The following TIGAR variants were observed in gnomAD, a reference collection of about 807,000 sequenced individuals.
TIGAR encodes TP53 induced glycolysis regulatory phosphatase.
A neutral mutation model predicts 17.9 loss-of-function variants in TIGAR; 7 were observed. The observed-to-expected ratio is 0.39, with a 90% CI of 0.22 to 0.73. TIGAR has a LOEUF of 0.73. TIGAR is among the 30% of genes least tolerant of loss of function. TIGAR has a pLI of 0.42. For missense variants in TIGAR, 258 were observed against 327.4 expected (o/e 0.79, Z 1.64); for synonymous variants, 94 against 108.6 (o/e 0.87, Z 0.84).
chr12:4,330,139 T>C (rs1864588911), intron 1 of TIGAR, among the ~76,000 whole-genome samples: 1 of 152,210 alleles, frequency 6.6e-6, no homozygotes, highest in Non-Finnish European at 1.5e-5. Flanking sequence ...TTTGTGATTC[T>C]GACTTCCAGG....
chr12:4,343,092 C>G (rs1375921112), intron 3 of TIGAR, among the ~76,000 whole-genome samples: 1 of 152,150 alleles, frequency 6.6e-6, no homozygotes, highest in Non-Finnish European at 1.5e-5. Context: ...CAGTTCTAGT[C>G]TCTGATAAAA....
chr12:4,350,437 A>G (rs1206697899), intron 4 of TIGAR, among the ~76,000 whole-genome samples: 2 of 152,210 alleles, frequency 1.3e-5, no homozygotes, highest in African/African-American at 2.4e-5. Flanking sequence ...TACACCAACA[A>G]TTGGTATTAT....
chr12:4,338,977 CAAAAAAAAA>C (rs1192832105), intron 3 of TIGAR, among the ~76,000 whole-genome samples: 1 of 100,580 alleles, frequency 9.9e-6, no homozygotes, highest in Non-Finnish European at 1.9e-5. Flanking sequence ...CTTTGTCTCA[CAAAAAAAAA>C]AAAAAAAAAA....
At position 4,321,235 on chromosome 12, in the gene TIGAR, C is replaced by A; in HGVS notation, c.-37C>A. On this transcript the variant is annotated 5_prime_UTR_variant, in exon 1 of 6. Coordinates refer to ENST00000179259, the MANE Select transcript of TIGAR (RefSeq NM_020375.3). This position sits in a 1 kb window ranked among gnomAD's most constrained non-coding sequence, Gnocchi z 5.2. ...GGTAGCCCGCAGTGCAGGGGCAGCG[C>A]GGCGCGGGGCCACCGACGGGACGCG... 1 of 1,599,590 alleles carries A rather than the reference C, an allele frequency of 6.3e-7. No individual in the cohort carries two copies. The highest frequency in any genetic ancestry group is 1.1e-5 in the South Asian group (1 of 91,056).
rs1429050816 is a variant in TIGAR, at chr12:4,359,136, A to C, written c.*6445A>C. Among the ~76,000 whole-genome samples the C allele has an allele frequency of 6.6e-6, 1 of 150,584 alleles. No homozygotes were observed. The highest frequency in any genetic ancestry group is 1.5e-5 in the Non-Finnish European group (1 of 67,776). ...TTTTTTTCTTTAGCCAACTCACGCCATGACTCTACTTTTGCTTCTATGTTT... is the reference window on the plus strand; with the variant it reads ...TTTTTTTCTTTAGCCAACTCACGCCCTGACTCTACTTTTGCTTCTATGTTT... On this transcript the variant is annotated 3_prime_UTR_variant, in exon 6 of 6. Coordinates refer to ENST00000179259, the MANE Select transcript of TIGAR (RefSeq NM_020375.3).
rs113544467 is a variant in TIGAR, at chr12:4,354,792, C to T, written c.*2101C>T. Among the ~76,000 whole-genome samples, 6,570 of 145,824 alleles carry T rather than the reference C, an allele frequency of 0.045. 488 individuals are homozygous for T. The highest frequency in any genetic ancestry group is 0.16 in the African/African-American group (6,151 of 39,164). ...TGTTGCCCAGGCTGGGGTGCAATGG[C>T]GTGATCTTGGCTCACTGCAACCTCC... On this transcript the variant is annotated 3_prime_UTR_variant, in exon 6 of 6. Coordinates refer to ENST00000179259, the MANE Select transcript of TIGAR (RefSeq NM_020375.3).
chr12:4,333,566 T>C (rs1864626633), intron 2 of TIGAR, among the ~76,000 whole-genome samples: 1 of 152,150 alleles, frequency 6.6e-6, no homozygotes, highest in South Asian at 2.1e-4. Flanking sequence ...CCTCCCGGGT[T>C]CAAGCGATTC....
intron 3 of TIGAR, among the ~76,000 whole-genome samples, chr12:4,346,458 ACATAGATGAAG>A (rs1864781539): frequency 1.3e-5 from 2 of 152,244 alleles, no homozygotes; most frequent in African/African-American, 4.8e-5. Flanking sequence ...CTCTGTAGGG[ACATAGATGAAG>A]CTGGAAACCA....
In TIGAR at chr12:4,355,983, G is replaced by A. The variant is rs1864896388; in HGVS notation, c.*3292G>A. Among the ~76,000 whole-genome samples the A allele has an allele frequency of 2.0e-5, 3 of 152,298 alleles. No individual in the cohort carries two copies. Among genetic ancestry groups the A allele is most frequent in the South Asian group, 2.1e-4 (1 of 4,826 alleles). On this transcript the variant is annotated 3_prime_UTR_variant, in exon 6 of 6. Transcript: ENST00000179259. ...GGAGAGTGACGGGAGAAGAGGACAG[G>A]CCACATGGCCTGGTGGCCTGTGCTG...
intron 3 of TIGAR, among the ~76,000 whole-genome samples, chr12:4,340,846 A>G (rs1460610123): frequency 6.6e-6 from 1 of 152,176 alleles, no homozygotes; most frequent in Non-Finnish European, 1.5e-5. Context: ...TATACAGAAG[A>G]ATGAAACTAG....
chr12:4,322,937 A>G (rs1399747675), intron 1 of TIGAR, among the ~76,000 whole-genome samples: 4 of 152,106 alleles, frequency 2.6e-5, no homozygotes, highest in Non-Finnish European at 5.9e-5. Flanking sequence ...TGCACTTTCT[A>G]GACGCCTGAC....
chr12:4,329,060 C>G (rs1443734524), intron 1 of TIGAR, among the ~76,000 whole-genome samples: 1 of 152,072 alleles, frequency 6.6e-6, no homozygotes, highest in African/African-American at 2.4e-5. Flanking sequence ...GTTTATTTCC[C>G]TCCTTTCTAA....
At chr12:4,323,330 C>T (rs997964874) in intron 1 of TIGAR, among the ~76,000 whole-genome samples, 2 of 152,002 alleles carry the variant, frequency 1.3e-5, no homozygotes, top group Admixed American at 1.3e-4. Context: ...AAGGCAACCC[C>T]TAAAAAGTAA....
rs1489146821 is a variant in TIGAR at position 4,324,510 on chromosome 12, C to T, written c.32+3207C>T. ...GCTTGATCTCCACCTGGTTGAAGGT[C>T]TTGCCGTTGTAGACGCCCACCATGC... On this transcript the variant is annotated intron_variant, in intron 1 of 5. Coordinates refer to ENST00000179259, the MANE Select transcript of TIGAR (RefSeq NM_020375.3). The T allele has an allele frequency of 7.5e-6, 12 of 1,609,930 alleles. No individual in the cohort carries two copies. The African/African-American group carries it at 1.5e-4, about 20-fold the overall frequency.
rs1015820965 is a variant in TIGAR, at chr12:4,354,791, G to A, written c.*2100G>A. Among the ~76,000 whole-genome samples, 2 of 149,744 alleles carry A rather than the reference G, an allele frequency of 1.3e-5. No individual in the cohort carries two copies. The highest frequency in any genetic ancestry group is 2.5e-5 in the African/African-American group (1 of 40,562). On this transcript the variant is annotated 3_prime_UTR_variant, in exon 6 of 6. Coordinates refer to ENST00000179259, the MANE Select transcript of TIGAR (RefSeq NM_020375.3). ...CTGTTGCCCAGGCTGGGGTGCAATG[G>A]CGTGATCTTGGCTCACTGCAACCTC...
Position 4,359,107 on chromosome 12 carries a change from G to GTTT in TIGAR, c.*6424_*6426dup. ...CCTTTATTGTTTATTTTCTGACTCT[G>GTTT]TTTTTTTTTTCTTTAGCCAACTCAC... On this transcript the variant is annotated 3_prime_UTR_variant, in exon 6 of 6. Transcript: ENST00000179259. Among the ~76,000 whole-genome samples, 1 of 148,698 alleles carries GTTT rather than the reference G, an allele frequency of 6.7e-6. No individual in the cohort carries two copies. The highest frequency in any genetic ancestry group is 1.5e-5 in the Non-Finnish European group (1 of 67,238).
chr12:4,336,490 A>T (rs935326126), intron 2 of TIGAR, among the ~76,000 whole-genome samples: 1 of 146,958 alleles, frequency 6.8e-6, no homozygotes, highest in African/African-American at 2.6e-5. Flanking sequence ...ACACACACAC[A>T]CACACTCACA....
At chr12:4,334,101 T>C (rs1864633920) in intron 2 of TIGAR, among the ~76,000 whole-genome samples, 1 of 152,200 alleles carries the variant, frequency 6.6e-6, no homozygotes, top group South Asian at 2.1e-4. Context: ...TTTCAAATGA[T>C]GTACCATTTC....
Position 4,358,287 on chromosome 12 carries a change from CAA to C in TIGAR, c.*5610_*5611del, listed in dbSNP as rs1203284222. On this transcript the variant is annotated 3_prime_UTR_variant, in exon 6 of 6. Coordinates refer to ENST00000179259, the MANE Select transcript of TIGAR (RefSeq NM_020375.3). Reference sequence around the variant, plus strand: ...AATACAAAAATTAGCTGGGCGTCTCCAAAAAAAAAAAAAAAGAAAAAGAAAAA... The same window carrying C: ...AATACAAAAATTAGCTGGGCGTCTCCAAAAAAAAAAAAAGAAAAAGAAAAA... Among the ~76,000 whole-genome samples the C allele has an allele frequency of 6.5e-3, 715 of 109,542 alleles. 3 individuals carry two copies. The highest frequency in any genetic ancestry group is 0.019 in the African/African-American group (629 of 32,516). The allele number at this position is 109,542 out of a possible 152,430, so 71.9% of individuals were successfully genotyped here.
Sources: allele counts gnomAD v4.1 joint callset (sites outside exome capture counted in the v4.1 genomes callset), GRCh38; gene constraint gnomAD v4.1.1; non-coding constraint Gnocchi (gnomAD v3.1); transcripts MANE v1.5; gene names NCBI Gene and HGNC (gene_info 2026-07-23, HGNC 2026-07-21).